The following COL10A1 variants were observed in gnomAD, a reference collection of about 807,000 sequenced individuals.
The protein encoded by COL10A1 is collagen alpha-1(X) chain.
COL10A1 carries 10 observed loss-of-function variants against 18.2 expected under a neutral mutation model. The observed-to-expected ratio is 0.55, with a 90% confidence interval of 0.34 to 0.93. COL10A1 has a LOEUF of 0.93. Ranked by LOEUF, COL10A1 falls within the 40% of genes least tolerant of loss-of-function variation. The probability of loss-of-function intolerance (pLI) is 0.02; values close to 1 mark genes in which losing one functional copy is unlikely to be tolerated. For synonymous variants in COL10A1, 330 were observed against 316.6 expected (o/e 1.04, Z -0.45); for missense variants, 897 against 853.5 (o/e 1.05, Z -0.64).
chr6:116,215,174 G>C, the COL10A1 span, among the ~76,000 whole-genome samples: 1 of 152,016 alleles, frequency 6.6e-6, no homozygotes, highest in Non-Finnish European at 1.5e-5. Flanking sequence ...TGGATAATAC[G>C]GAGCACATGA....
intron 1 of COL10A1, among the ~76,000 whole-genome samples, chr6:116,156,323 AG>A (rs1360347483): frequency 6.6e-6 from 1 of 152,098 alleles, no homozygotes; most frequent in African/African-American, 2.4e-5. Context: ...AATTTTTTTT[AG>A]GTTGTAGATC....
At position 116,120,121 on chromosome 6, in the gene COL10A1, A is replaced by G; in HGVS notation, c.1995T>C (p.Ser665=). ...CTGAGAAAGAGGAGTGGACATACTC[A>G]GAGGAGTATAGGCCATTTGACTCGG... ...PNAESNGLYS[S]EYVHSSFSGF... The change falls in exon 3 of 3, where the codon TCT becomes TCC. Residue 665 remains serine, a synonymous_variant. Coordinates refer to ENST00000651968, the MANE Select transcript of COL10A1 (RefSeq NM_000493.4). The G allele has an allele frequency of 6.2e-7, 1 of 1,614,132 alleles. No homozygotes were observed. The highest frequency in any genetic ancestry group is 8.5e-7 in the Non-Finnish European group (1 of 1,180,014).
chr6:116,120,966 A>T lies in COL10A1; in HGVS notation c.1150T>A (p.Ser384Thr). 6.2e-7 allele frequency: 1 copy of T among 1,612,692 alleles called. No homozygotes were observed. The highest frequency in any genetic ancestry group is 8.5e-7 in the Non-Finnish European group (1 of 1,179,568). ...GAKGERGSPG[S>T]DGKPGYPGKP... is the part of the protein sequence containing the mutation. ...CCTGGGTACCCTGGTTTTCCATCTG[A>T]CCCAGGGGAACCCCTTTCACCCTTA... is the stretch of plus-strand genomic sequence containing the variant. The change falls in exon 3 of 3, where the codon TCA (serine) becomes ACA (threonine). Residue 384 changes from serine (S) to threonine (T), a missense_variant. By Grantham distance (58) the Ser-to-Thr change is moderately conservative. Transcript: ENST00000651968.
At chr6:116,209,958 G>A in the COL10A1 span, among the ~76,000 whole-genome samples, 1 of 151,958 alleles carries the variant, frequency 6.6e-6, no homozygotes, top group Admixed American at 6.6e-5. Context: ...CATAAATGAT[G>A]AGGTTTAGTG....
chr6:116,120,283 C>G lies in COL10A1; in HGVS notation c.1833G>C (p.Trp611Cys). 1 of 1,614,170 alleles carries G rather than the reference C, an allele frequency of 6.2e-7. No homozygotes were observed. The highest frequency in any genetic ancestry group is 1.7e-5 in the Admixed American group (1 of 60,034). The change falls in exon 3 of 3, where the codon TGG (tryptophan) becomes TGC (cysteine). Residue 611 changes from tryptophan (W) to cysteine (C), a missense_variant. Physicochemically the swap from Trp to Cys is radical, Grantham distance 215. Coordinates refer to ENST00000651968, the MANE Select transcript of COL10A1 (RefSeq NM_000493.4). ...YHVHVKGTHV[W>C]VGLYKNGTPV... is the part of the protein sequence containing the mutation. Reference sequence around the variant, plus strand: ...GGGTGCCATTCTTATACAGGCCTACCCAAACATGAGTCCCTTTCACATGCA... The same window carrying G: ...GGGTGCCATTCTTATACAGGCCTACGCAAACATGAGTCCCTTTCACATGCA...
At chr6:116,163,180 A>G (rs1780383268), upstream of COL10A1, among the ~76,000 whole-genome samples, 1 of 144,400 alleles carries the variant, frequency 6.9e-6, no homozygotes, top group Non-Finnish European at 1.5e-5. Context: ...TATTGATACC[A>G]GCTCTTCTTT....
intron 1 of COL10A1, among the ~76,000 whole-genome samples, chr6:116,131,667 A>G (rs1432035840): frequency 6.6e-6 from 1 of 152,142 alleles, no homozygotes; most frequent in African/African-American, 2.4e-5. Flanking sequence ...TTTTGCCAAT[A>G]CAAATACTTT....
chr6:116,207,750 G>A, the COL10A1 span, among the ~76,000 whole-genome samples: 5 of 151,892 alleles, frequency 3.3e-5, no homozygotes, highest in South Asian at 2.1e-4. Flanking sequence ...TGAACCCCTC[G>A]TGCCCAGGTT....
rs777047241 is a variant in COL10A1 at position 116,121,530 on chromosome 6, G to A, written c.586C>T (p.Pro196Ser). 4.3e-6 allele frequency: 7 copies of A among 1,614,106 alleles called. No homozygotes were observed. Among genetic ancestry groups the A allele is most frequent in the Admixed American group, 1.7e-5 (1 of 60,022 alleles). ...AGACCCCTCTCACCTGGACGACCAG[G>A]AGCACCATATCCCATTTCCCCTTTC... Reference protein sequence around the residue: ...GQKGEMGYGAPGRPGERGLPG... With the variant: ...GQKGEMGYGASGRPGERGLPG... Residue 196 changes from proline (P) to serine (S), a missense_variant, in exon 3 of 3, where the codon CCT becomes TCT. Pro to Ser is a moderately conservative substitution (Grantham distance 74, BLOSUM62 -1). Transcript: ENST00000651968.
the COL10A1 span, among the ~76,000 whole-genome samples, chr6:116,215,085 A>G: frequency 6.6e-6 from 1 of 152,218 alleles, no homozygotes; most frequent in Middle Eastern, 3.4e-3. Context: ...GAAAATGATT[A>G]AAAGAGTGGA....
rs764863859 is a variant in COL10A1 at position 116,121,484 on chromosome 6, G to C, written c.632C>G (p.Thr211Arg). The C allele has an allele frequency of 1.2e-6, 2 of 1,614,122 alleles. No homozygotes were observed. Among genetic ancestry groups the C allele is most frequent in the Admixed American group, 3.3e-5 (2 of 60,022 alleles). Residue 211 changes from threonine (T) to arginine (R), a missense_variant, in exon 3 of 3, where the codon ACA (threonine) becomes AGA (arginine). Thr to Arg is a moderately conservative substitution (Grantham distance 71). Transcript: ENST00000651968. Reference sequence around the variant, plus strand: ...CACTCCAGGAGGGCCAGATGGTCCTGTGGGACCCTGAGGGCCTGGAAGACC... The same window carrying C: ...CACTCCAGGAGGGCCAGATGGTCCTCTGGGACCCTGAGGGCCTGGAAGACC... The part of the protein sequence containing the change: ...ERGLPGPQGP[T>R]GPSGPPGVGK...
the COL10A1 span, among the ~76,000 whole-genome samples, chr6:116,210,627 G>GTC: frequency 6.6e-6 from 1 of 151,854 alleles, no homozygotes; most frequent in East Asian, 1.9e-4. Context: ...AGTTATAAAG[G>GTC]TCTTGGAACT....
upstream of COL10A1, among the ~76,000 whole-genome samples, chr6:116,126,309 AT>A (rs1779308149): frequency 6.6e-6 from 1 of 152,170 alleles, no homozygotes; most frequent in Admixed American, 6.5e-5. Flanking sequence ...TTATTTAAAA[AT>A]AAACCCATTG....
intron 1 of COL10A1, among the ~76,000 whole-genome samples, chr6:116,145,794 A>G (rs959387515): frequency 3.3e-5 from 5 of 152,130 alleles, no homozygotes; most frequent in African/African-American, 9.7e-5. Flanking sequence ...TTAATTTACT[A>G]TTTTATTTTT....
intron 1 of COL10A1, among the ~76,000 whole-genome samples, chr6:116,143,779 G>A (rs1328891094): frequency 1.3e-5 from 2 of 152,136 alleles, no homozygotes; most frequent in East Asian, 3.8e-4. Flanking sequence ...AACAAAATTA[G>A]CTATAGTAAT....
At chr6:116,155,759 A>C (rs1780174450) in intron 1 of COL10A1, among the ~76,000 whole-genome samples, 1 of 151,814 alleles carries the variant, frequency 6.6e-6, no homozygotes, top group Non-Finnish European at 1.5e-5. Context: ...CCTTAAAAAA[A>C]AAAAAAAAAA....
the COL10A1 span, among the ~76,000 whole-genome samples, chr6:116,214,704 T>C: frequency 1.3e-5 from 2 of 152,062 alleles, no homozygotes; most frequent in African/African-American, 2.4e-5. Context: ...TTTTGAAATA[T>C]CATATTCAAA....
chr6:116,160,936 C>T (rs184225160), upstream of COL10A1, among the ~76,000 whole-genome samples: 69 of 151,994 alleles, frequency 4.5e-4, no homozygotes, highest in East Asian at 0.013. Context: ...GACTTGGAAC[C>T]AACCCAGATG....
intron 1 of COL10A1, among the ~76,000 whole-genome samples, chr6:116,138,439 A>G (rs1031553199): frequency 2.6e-5 from 4 of 152,178 alleles, no homozygotes; most frequent in African/African-American, 9.7e-5. Flanking sequence ...TTTCCAAACC[A>G]TCTCAAATTG....
Sources: gnomAD v4.1 joint callset for allele counts (sites outside exome capture counted in the v4.1 genomes callset) on GRCh38, gnomAD v4.1.1 for gene constraint, MANE v1.5 for transcripts, NCBI Gene and HGNC (gene_info 2026-07-23, HGNC 2026-07-21) for gene names.